Variants in EXOC4 observed in about 807,000 individuals in gnomAD.
The protein encoded by EXOC4 is SEC8-like 1.
Under a neutral mutation model 107.2 loss-of-function variants are expected in EXOC4, and 71 were observed. That is an observed-to-expected ratio of 0.66 (90% confidence interval 0.55 to 0.81). EXOC4 has a LOEUF of 0.81. Among genes scored for constraint, EXOC4 ranks in the 30% least tolerant of loss-of-function variants. The pLI, the probability that EXOC4 is intolerant of heterozygous loss-of-function variation, is 0.00. For synonymous variants in EXOC4, 456 were observed against 441.2 expected (o/e 1.03, Z -0.42); for missense variants, 1,108 against 1,189.6 (o/e 0.93, Z 1.01).
chr7:133,613,216 C>G (rs185472466), intron 9 of EXOC4, among the ~76,000 whole-genome samples: 1 of 152,176 alleles, frequency 6.6e-6, no homozygotes, highest in Non-Finnish European at 1.5e-5. Flanking sequence ...TACACAAATG[C>G]AGACCATATA....
At chr7:133,656,024 A>C (rs1040957521) in intron 10 of EXOC4, among the ~76,000 whole-genome samples, 8 of 152,142 alleles carry the variant, frequency 5.3e-5, no homozygotes, top group African/African-American at 1.9e-4. Flanking sequence ...CATGGCTATG[A>C]TATCACTAGG....
chr7:133,326,621 G>A (rs1391237466), intron 5 of EXOC4, among the ~76,000 whole-genome samples: 3 of 152,162 alleles, frequency 2.0e-5, no homozygotes, highest in African/African-American at 7.2e-5. Context: ...TGCCCCTACT[G>A]GATGGTGCCT....
At chr7:133,665,653 C>T (rs1213736319) in intron 10 of EXOC4, among the ~76,000 whole-genome samples, 1 of 152,144 alleles carries the variant, frequency 6.6e-6, no homozygotes, top group Non-Finnish European at 1.5e-5. Context: ...TTTTACCCTA[C>T]AGCAGAATTA....
At position 133,919,788 on chromosome 7, in the gene EXOC4, T is replaced by G. The variant is rs973468558; in HGVS notation, c.2027+2050T>G. On this transcript the variant is annotated intron_variant, in intron 13 of 17. Coordinates refer to ENST00000253861, the MANE Select transcript of EXOC4 (RefSeq NM_021807.4). Reference sequence around the variant, plus strand: ...TGTACCACTCTATTCACTCATCTATTGAAGGATATCTTAGTTGCTTTCAAG... The same window carrying G: ...TGTACCACTCTATTCACTCATCTATGGAAGGATATCTTAGTTGCTTTCAAG... Among the ~76,000 whole-genome samples, 4 of 152,220 alleles carry G rather than the reference T, an allele frequency of 2.6e-5. No individual in the cohort carries two copies. The South Asian group carries it at 8.3e-4, about 31-fold the overall frequency.
the EXOC4 span, among the ~76,000 whole-genome samples, chr7:134,071,884 G>A: frequency 6.6e-6 from 1 of 152,124 alleles, no homozygotes; most frequent in African/African-American, 2.4e-5. Flanking sequence ...ACTCTCACAT[G>A]CTATATTTGA....
At chr7:134,013,490 ATAACAT>A (rs1273591710) in intron 17 of EXOC4, among the ~76,000 whole-genome samples, 9 of 152,246 alleles carry the variant, frequency 5.9e-5, no homozygotes, top group Middle Eastern at 3.2e-3. Context: ...TGGAACAAAA[ATAACAT>A]TAGGTAAAAA....
chr7:133,423,405 T>A (rs1797648474), intron 7 of EXOC4, among the ~76,000 whole-genome samples: 2 of 152,148 alleles, frequency 1.3e-5, no homozygotes, highest in South Asian at 4.1e-4. Context: ...TGTCCTCACT[T>A]TAGGTAAGCA....
At chr7:134,036,554 C>CTCTA (rs1451096917) in intron 17 of EXOC4, among the ~76,000 whole-genome samples, 1 of 152,140 alleles carries the variant, frequency 6.6e-6, no homozygotes, top group Non-Finnish European at 1.5e-5. Context: ...TGCCACTGAA[C>CTCTA]TCTAGCCTGG....
chr7:133,622,591 C>T (rs530259159), intron 9 of EXOC4, among the ~76,000 whole-genome samples: 3 of 152,192 alleles, frequency 2.0e-5, no homozygotes, highest in South Asian at 2.1e-4. Flanking sequence ...TCCCCCCAAA[C>T]GTTGCATACA....
At chr7:133,437,937 C>A (rs1798013204) in intron 7 of EXOC4, among the ~76,000 whole-genome samples, 1 of 152,142 alleles carries the variant, frequency 6.6e-6, no homozygotes, top group Non-Finnish European at 1.5e-5. Context: ...TTTTTAGCAC[C>A]ATTTTTCTTT....
intron 17 of EXOC4, among the ~76,000 whole-genome samples, chr7:134,024,464 A>G (rs912987440): frequency 2.7e-5 from 4 of 149,984 alleles, no homozygotes; most frequent in Non-Finnish European, 4.4e-5. Context: ...AAAAAAAAAG[A>G]AGCTAGTATG....
In EXOC4 at chr7:133,420,706, A is replaced by G. The variant is rs150497695; in HGVS notation, c.1182+45704A>G. On this transcript the variant is annotated intron_variant, in intron 7 of 17. Coordinates refer to ENST00000253861, the MANE Select transcript of EXOC4 (RefSeq NM_021807.4). ...ACATTTCAGTGACATTCCTTAGACGATTACATTTTAAGAAACTGTTACAGA... is the reference window on the plus strand; with the variant it reads ...ACATTTCAGTGACATTCCTTAGACGGTTACATTTTAAGAAACTGTTACAGA... 1.2e-4 allele frequency among the ~76,000 whole-genome samples: 19 copies of G among 152,204 alleles called. No homozygotes were observed. The East Asian group carries it at 3.7e-3, about 30-fold the overall frequency.
intron 11 of EXOC4, among the ~76,000 whole-genome samples, chr7:133,831,216 GC>G (rs1361841688): frequency 2.0e-5 from 3 of 152,106 alleles, no homozygotes; most frequent in Non-Finnish European, 2.9e-5. Context: ...ACCTGCCTTG[GC>G]CTCCCAAAGT....
chr7:134,046,330 A>G (rs942578646), intron 17 of EXOC4, among the ~76,000 whole-genome samples: 2 of 151,944 alleles, frequency 1.3e-5, no homozygotes, highest in African/African-American at 4.8e-5. Flanking sequence ...AAAAATACAA[A>G]AATTAGTCAG....
At chr7:133,289,818 C>T (rs1794363309) in intron 3 of EXOC4, among the ~76,000 whole-genome samples, 1 of 152,148 alleles carries the variant, frequency 6.6e-6, no homozygotes, top group Non-Finnish European at 1.5e-5. Flanking sequence ...TTTTACCCAC[C>T]CAGTCCCACT....
chr7:133,427,162 C>G (rs1019527318), intron 7 of EXOC4, among the ~76,000 whole-genome samples: 21 of 151,942 alleles, frequency 1.4e-4, no homozygotes, highest in Admixed American at 1.3e-3. Context: ...GATTGTATGT[C>G]AGGCGCCTCA....
chr7:133,896,844 T>TTTTTTTTTTTTTTTTTTTG (rs1198817578), intron 12 of EXOC4, among the ~76,000 whole-genome samples: 1 of 87,810 alleles, frequency 1.1e-5, no homozygotes, highest in African/African-American at 1.2e-4. Flanking sequence ...TTTGTATTTT[T>TTTTTTTTTTTTTTTTTTTG]AGTAGAGATG....
At chr7:133,367,528 G>A (rs1187548998) in intron 6 of EXOC4, among the ~76,000 whole-genome samples, 1 of 152,172 alleles carries the variant, frequency 6.6e-6, no homozygotes, top group Non-Finnish European at 1.5e-5. Flanking sequence ...GCAGTGAGAA[G>A]GAAGAGGCAG....
intron 12 of EXOC4, among the ~76,000 whole-genome samples, chr7:133,911,840 A>G (rs1381916801): frequency 3.3e-5 from 5 of 152,176 alleles, no homozygotes; most frequent in African/African-American, 7.2e-5. Flanking sequence ...TCTGTGGAAC[A>G]GAATTTGACC....
Sources: gnomAD v4.1 joint callset for allele counts (sites outside exome capture counted in the v4.1 genomes callset) on GRCh38, gnomAD v4.1.1 for gene constraint, MANE v1.5 for transcripts, NCBI Gene and HGNC (gene_info 2026-07-23, HGNC 2026-07-21) for gene names.